Variants in CTNNA2 observed in about 807,000 individuals in gnomAD.
The protein encoded by CTNNA2 is catenin alpha 2.
A neutral mutation model predicts 101.0 loss-of-function variants in CTNNA2; 42 were observed. That is an observed-to-expected ratio of 0.42 (90% CI 0.32 to 0.54). The LOEUF (loss-of-function observed/expected upper bound fraction) is 0.54. Ranked by LOEUF, CTNNA2 falls within the 20% of genes least tolerant of loss-of-function variation. The probability of loss-of-function intolerance (pLI) is 0.14; values close to 1 mark genes in which losing one functional copy is unlikely to be tolerated. For synonymous variants in CTNNA2, 450 were observed against 456.4 expected, an observed-to-expected ratio of 0.99 and a Z score of 0.18; for missense variants, 871 against 1,223.1, an observed-to-expected ratio of 0.71 and a Z score of 4.29.
At chr2:80,138,228 C>G (rs1055470498) in intron 7 of CTNNA2, among the ~76,000 whole-genome samples, 2 of 152,064 alleles carry the variant, frequency 1.3e-5, no homozygotes, top group African/African-American at 4.8e-5. Flanking sequence ...TGCTTAAAAT[C>G]CTTTAGTGTT....
At chr2:80,589,259 C>G (rs769168912) in intron 14 of CTNNA2, 45 bp from the exon 15 acceptor site, 1 of 1,597,044 alleles carries the variant, frequency 6.3e-7, no homozygotes, top group South Asian at 1.1e-5. Context: ...ACGGTCTGTA[C>G]TTCCTTTGTC....
chr2:80,270,288 A>T (rs1027507852), intron 7 of CTNNA2, among the ~76,000 whole-genome samples: 1 of 151,926 alleles, frequency 6.6e-6, no homozygotes, highest in Admixed American at 6.6e-5. Flanking sequence ...TTTTTTAGGG[A>T]TTTTTTTCCC....
intron 1 of CTNNA2, among the ~76,000 whole-genome samples, chr2:79,640,696 G>T (rs747230465): frequency 4.6e-5 from 7 of 152,084 alleles, no homozygotes; most frequent in Non-Finnish European, 7.4e-5. Context: ...AAAAGATAAA[G>T]AATTGATACT....
At chr2:79,632,088 T>C (rs1679734085) in intron 1 of CTNNA2, among the ~76,000 whole-genome samples, 2 of 152,218 alleles carry the variant, frequency 1.3e-5, no homozygotes, top group African/African-American at 4.8e-5. Context: ...GTATCTTTTG[T>C]CTTTCTTTCA....
Position 79,674,881 on chromosome 2 carries a change from A to G in CTNNA2, c.102+23223A>G, listed in dbSNP as rs145268967. On this transcript the variant is annotated intron_variant, in intron 2 of 18. Coordinates refer to ENST00000402739, the MANE Select transcript of CTNNA2 (RefSeq NM_001282597.3). ...GGTTTCTATATTTTATTGTCAGTTG[A>G]GTTTATTCTCATCTAAAATGAGCAC... Among the ~76,000 whole-genome samples the G allele has an allele frequency of 3.0e-3, 453 of 152,308 alleles. 2 individuals carry two copies. Among genetic ancestry groups the G allele is most frequent in the African/African-American group, 0.01 (435 of 41,586 alleles).
chr2:80,521,584 GAGTT>G (rs1689552455), intron 9 of CTNNA2, among the ~76,000 whole-genome samples: 1 of 152,182 alleles, frequency 6.6e-6, no homozygotes, highest in South Asian at 2.1e-4. Flanking sequence ...GGAGGCAGGA[GAGTT>G]AGAGTGATGC....
intron 3 of CTNNA2, among the ~76,000 whole-genome samples, chr2:79,848,111 A>G (rs747389771): frequency 3.9e-5 from 6 of 152,200 alleles, no homozygotes; most frequent in Non-Finnish European, 8.8e-5. Context: ...TGACTTACTT[A>G]TTGAAATTTG....
intron 7 of CTNNA2, among the ~76,000 whole-genome samples, chr2:79,934,950 A>G (rs756270890): frequency 3.9e-5 from 6 of 152,258 alleles, no homozygotes; most frequent in African/African-American, 9.6e-5. Flanking sequence ...AATAGGGCTC[A>G]ATAGTTATTT....
chr2:79,881,604 G>A lies in CTNNA2; in HGVS notation c.852+7262G>A, dbSNP rs555920994. On this transcript the variant is annotated intron_variant, in intron 6 of 18. Coordinates refer to ENST00000402739, the MANE Select transcript of CTNNA2 (RefSeq NM_001282597.3). ...TTTTGATCTTGTAGGTTTAAAGTCT[G>A]TTTTGTCAAAGACTAGGTTTGCAAC... Among the ~76,000 whole-genome samples the A allele has an allele frequency of 1.2e-3, 177 of 152,048 alleles. 2 individuals are homozygous for A. The South Asian group carries it at 0.015, about 12-fold the overall frequency.
chr2:79,264,334 A>C (rs1674962658), intron 2 of CTNNA2, among the ~76,000 whole-genome samples: 1 of 152,220 alleles, frequency 6.6e-6, no homozygotes, highest in African/African-American at 2.4e-5. Flanking sequence ...AAAGTACTTT[A>C]AAATACGCAT....
chr2:80,032,946 G>A (rs1403878192), intron 7 of CTNNA2, among the ~76,000 whole-genome samples: 2 of 151,618 alleles, frequency 1.3e-5, no homozygotes, highest in African/African-American at 4.8e-5. Flanking sequence ...AGGTCAAGAG[G>A]TCGAGACCAT....
chr2:80,328,009 G>A (rs1670979395), intron 7 of CTNNA2, among the ~76,000 whole-genome samples: 1 of 152,114 alleles, frequency 6.6e-6, no homozygotes, highest in Non-Finnish European at 1.5e-5. Context: ...TTATTAACAT[G>A]GATGGCTTAT....
chr2:79,770,490 A>G (rs1164068251), intron 3 of CTNNA2, among the ~76,000 whole-genome samples: 4 of 152,210 alleles, frequency 2.6e-5, no homozygotes, highest in South Asian at 4.1e-4. Context: ...GTAAACTACA[A>G]TAAGTAAAGG....
chr2:79,338,575 A>ATCTTCTTTTTCCTCTTCTTCTTCT lies in CTNNA2; in HGVS notation c.-318+25781_-318+25782insTTCTTTTTCCTCTTCTTCTTCTTC, dbSNP rs1239699778. Among the ~76,000 whole-genome samples, 407 of 115,518 alleles carry ATCTTCTTTTTCCTCTTCTTCTTCT rather than the reference A, an allele frequency of 3.5e-3. 8 individuals are homozygous for ATCTTCTTTTTCCTCTTCTTCTTCT. The highest frequency in any genetic ancestry group is 0.012 in the East Asian group (49 of 4,030). 75.8% of individuals were successfully genotyped at this position (115,518 alleles called of 152,430 possible). On this transcript the variant is annotated intron_variant, in intron 3 of 21. Transcript: ENST00000466387. ...ATTTTTCTTCTTCTTCTTCCTCCTC[A>ATCTTCTTTTTCCTCTTCTTCTTCT]TCATCTTCTTCTTCTTCTTCTTCTT...
At chr2:80,146,458 A>G (rs1313267652) in intron 7 of CTNNA2, among the ~76,000 whole-genome samples, 1 of 151,864 alleles carries the variant, frequency 6.6e-6, no homozygotes, top group Non-Finnish European at 1.5e-5. Flanking sequence ...GGCCTAGTTG[A>G]CTGTCCCTGG....
intron 1 of CTNNA2, among the ~76,000 whole-genome samples, chr2:79,565,045 G>A (rs1444887455): frequency 1.3e-5 from 2 of 151,952 alleles, no homozygotes; most frequent in African/African-American, 2.4e-5. Context: ...AATATTTTTG[G>A]GCAGTTGGGG....
intron 7 of CTNNA2, among the ~76,000 whole-genome samples, chr2:80,178,267 C>G (rs1234822833): frequency 1.3e-5 from 2 of 152,278 alleles, no homozygotes; most frequent in African/African-American, 4.8e-5. Context: ...GTACATTCCC[C>G]CACTTTATGG....
At chr2:80,313,594 A>G (rs1677813107) in intron 7 of CTNNA2, 4 of 1,611,458 alleles carry the variant, frequency 2.5e-6, no homozygotes, top group Admixed American at 3.3e-5. Context: ...TCCAGTCAGT[A>G]GGCAAAGTCT....
intron 7 of CTNNA2, among the ~76,000 whole-genome samples, chr2:80,125,564 G>C (rs1470516878): frequency 6.6e-6 from 1 of 152,158 alleles, no homozygotes; most frequent in Non-Finnish European, 1.5e-5. Flanking sequence ...CTGCCATCCT[G>C]TGCATAGAGC....
Sources: gnomAD v4.1 joint callset for allele counts (sites outside exome capture counted in the v4.1 genomes callset) on GRCh38, gnomAD v4.1.1 for gene constraint, MANE v1.5 for transcripts, NCBI Gene and HGNC (gene_info 2026-07-23, HGNC 2026-07-21) for gene names.